Variants in TTLL5 observed in about 807,000 individuals in gnomAD.
TTLL5 encodes tubulin tyrosine ligase like 5.
TTLL5 carries 132 observed loss-of-function variants against 168.4 expected under a neutral mutation model. The observed-to-expected ratio is 0.78, with a 90% CI of 0.68 to 0.91. The LOEUF (loss-of-function observed/expected upper bound fraction) is 0.91. Ranked by LOEUF, TTLL5 falls within the 40% of genes least tolerant of loss-of-function variation. The pLI, the probability that TTLL5 is intolerant of heterozygous loss-of-function variation, is 0.00. For synonymous variants in TTLL5, 546 were observed against 558.6 expected (o/e 0.98, Z 0.32); for missense variants, 1,545 against 1,581.5 (o/e 0.98, Z 0.39).
intron 27 of TTLL5, among the ~76,000 whole-genome samples, chr14:75,812,381 A>T (rs577561236): frequency 6.6e-6 from 1 of 152,294 alleles, no homozygotes; most frequent in Admixed American, 6.5e-5. Context: ...GGGCAGAGAC[A>T]TGTGGAACAA....
intron 10 of TTLL5, among the ~76,000 whole-genome samples, chr14:75,719,378 A>G (rs1887697514): frequency 6.6e-6 from 1 of 152,192 alleles, no homozygotes; most frequent in Non-Finnish European, 1.5e-5. Flanking sequence ...GGTGACATTC[A>G]CCTCAAAGGT....
chr14:75,872,738 C>T (rs1328597806), intron 29 of TTLL5, among the ~76,000 whole-genome samples: 2 of 151,836 alleles, frequency 1.3e-5, no homozygotes, highest in Non-Finnish European at 2.9e-5. Context: ...GGAGAAACCC[C>T]ATCTCTACTA....
intron 26 of TTLL5, among the ~76,000 whole-genome samples, chr14:75,783,872 T>C (rs1029108274): frequency 1.3e-5 from 2 of 152,328 alleles, no homozygotes; most frequent in South Asian, 4.1e-4. Context: ...CAAATAGTTA[T>C]TCCCAACATC....
At chr14:75,701,721 A>C (rs1331396201) in intron 7 of TTLL5, among the ~76,000 whole-genome samples, 1 of 152,128 alleles carries the variant, frequency 6.6e-6, no homozygotes, top group African/African-American at 2.4e-5. Flanking sequence ...TCACTGTTCC[A>C]AATGCTGTTT....
At position 75,916,662 on chromosome 14, in the gene TTLL5, A is replaced by T. The variant is rs1418785048; in HGVS notation, c.3823+14438A>T. On this transcript the variant is annotated intron_variant, in intron 31 of 31. Transcript: ENST00000298832. Reference sequence around the variant, plus strand: ...AAAAAAACAAAAAAATTGAATTACCATATGATCCAGCAATTTCATTCTGTG... The same window carrying T: ...AAAAAAACAAAAAAATTGAATTACCTTATGATCCAGCAATTTCATTCTGTG... Among the ~76,000 whole-genome samples, 5 of 152,196 alleles carry T rather than the reference A, an allele frequency of 3.3e-5. No individual in the cohort carries two copies. In the South Asian group the frequency reaches 6.2e-4, roughly 19 times the overall value.
At chr14:75,935,931 C>G (rs1430530114) in intron 31 of TTLL5, among the ~76,000 whole-genome samples, 1 of 152,020 alleles carries the variant, frequency 6.6e-6, no homozygotes, top group Non-Finnish European at 1.5e-5. Flanking sequence ...TTAAACCACA[C>G]AAATAGGAAC....
At chr14:75,799,102 A>G (rs1193471295) in intron 27 of TTLL5, among the ~76,000 whole-genome samples, 2 of 151,910 alleles carry the variant, frequency 1.3e-5, no homozygotes, top group African/African-American at 4.8e-5. Flanking sequence ...TGTCTATCTC[A>G]TTTCTTAGGT....
chr14:75,676,587 C>G (rs892954108), intron 3 of TTLL5, among the ~76,000 whole-genome samples: 1 of 152,022 alleles, frequency 6.6e-6, no homozygotes, highest in Non-Finnish European at 1.5e-5. Flanking sequence ...TTGCACTACT[C>G]TTTTGGAACA....
intron 12 of TTLL5, among the ~76,000 whole-genome samples, chr14:75,722,380 G>A (rs1887897584): frequency 6.6e-6 from 1 of 152,016 alleles, no homozygotes. Context: ...CGAGTAGTTG[G>A]GACTATAGGC....
At chr14:75,773,954 A>AGC (rs1891530193) in intron 21 of TTLL5, among the ~76,000 whole-genome samples, 2 of 39,730 alleles carry the variant, frequency 5.0e-5, no homozygotes, top group African/African-American at 1.5e-4. Flanking sequence ...AGAGAGAGAG[A>AGC]GAAAGAGAGA....
At chr14:75,796,953 T>A (rs932420525) in intron 27 of TTLL5, among the ~76,000 whole-genome samples, 20 of 152,172 alleles carry the variant, frequency 1.3e-4, no homozygotes, top group Non-Finnish European at 1.5e-5. Context: ...TTTTTTCTAG[T>A]TCTGTGAAGA....
intron 18 of TTLL5, among the ~76,000 whole-genome samples, chr14:75,758,503 GA>G (rs1359909827): frequency 1.3e-5 from 2 of 152,040 alleles, no homozygotes; most frequent in East Asian, 3.9e-4. Context: ...TGAGAAAAAA[GA>G]AAAAAATCTT....
At chr14:75,667,776 T>TTA (rs869185683) in intron 2 of TTLL5, among the ~76,000 whole-genome samples, 3 of 146,948 alleles carry the variant, frequency 2.0e-5, no homozygotes, top group Non-Finnish European at 3.0e-5. Flanking sequence ...TTTTTTTTTT[T>TTA]ATTGAGACGG....
chr14:75,728,400 G>A (rs1166751630), intron 12 of TTLL5, among the ~76,000 whole-genome samples: 1 of 151,222 alleles, frequency 6.6e-6, no homozygotes, highest in African/African-American at 2.4e-5. Context: ...TAAAGAGAAA[G>A]ATTAAAGACA....
chr14:75,712,736 T>C (rs1013458157), intron 9 of TTLL5, among the ~76,000 whole-genome samples: 4 of 152,106 alleles, frequency 2.6e-5, no homozygotes, highest in Admixed American at 1.3e-4. Context: ...ATTCAGACTT[T>C]TAGACAAATT....
chr14:75,863,515 T>C, intron 28 of TTLL5, 152 bp from the exon 29 acceptor site: 1 of 684,258 alleles, frequency 1.5e-6, no homozygotes, highest in Non-Finnish European at 2.3e-6. Context: ...TACGGTTTAG[T>C]GGGGGAGTGA....
chr14:75,699,191 C>T lies in TTLL5; in HGVS notation c.506C>T (p.Ser169Leu), dbSNP rs1366132002. 1.9e-6 allele frequency: 3 copies of T among 1,613,324 alleles called. No individual in the cohort carries two copies. The highest frequency in any genetic ancestry group is 1.7e-5 in the Admixed American group (1 of 59,998). Reference sequence around the variant, plus strand: ...TATCTCCCAATATTTTGAGCAGATTCATATTCGAAGGACCGGGGACCTTGG... The same window carrying T: ...TATCTCCCAATATTTTGAGCAGATTTATATTCGAAGGACCGGGGACCTTGG... The part of the protein sequence containing the change: ...LPAEYAEFCN[S>L]YSKDRGPWIV... Residue 169 changes from serine to leucine, a missense_variant, in exon 7 of 32, where the codon TCA (serine) becomes TTA (leucine). Physicochemically the swap from Ser to Leu is moderately radical, Grantham distance 145 (BLOSUM62 -2). Coordinates refer to ENST00000298832, the MANE Select transcript of TTLL5 (RefSeq NM_015072.5).
chr14:75,745,041 G>A, intron 15 of TTLL5, 54 bp from the exon 16 acceptor site: 1 of 1,377,784 alleles, frequency 7.3e-7, no homozygotes, highest in South Asian at 1.2e-5. Context: ...GGGTAATGAG[G>A]AGTAATGAAA....
chr14:75,698,851 G>A (rs79304682), intron 6 of TTLL5, among the ~76,000 whole-genome samples: 161 of 151,508 alleles, frequency 1.1e-3, no homozygotes, highest in African/African-American at 3.4e-3. Context: ...GGTGCAATAA[G>A]CTATGGAAGC....
Sources: gnomAD v4.1 joint callset for allele counts (sites outside exome capture counted in the v4.1 genomes callset) on GRCh38, gnomAD v4.1.1 for gene constraint, MANE v1.5 for transcripts, NCBI Gene and HGNC (gene_info 2026-07-23, HGNC 2026-07-21) for gene names.